ASPM: variants seen among roughly 807,000 people sequenced by gnomAD.
ASPM encodes abnormal spindle-like microcephaly-associated protein.
Under a neutral mutation model 366.4 loss-of-function variants are expected in ASPM, and 256 were observed. The observed-to-expected ratio is 0.70, with a 90% CI of 0.63 to 0.77. The LOEUF (loss-of-function observed/expected upper bound fraction) is 0.77, where lower values mean the gene tolerates loss of function less well. Ranked by LOEUF, ASPM falls within the 30% of genes least tolerant of loss-of-function variation. The pLI is 0.00. For synonymous variants in ASPM, 1,414 were observed against 1,342.9 expected, an observed-to-expected ratio of 1.05 and a Z score of -1.16; for missense variants, 4,146 against 4,090.4, an observed-to-expected ratio of 1.01 and a Z score of -0.37.
At position 197,146,574 on chromosome 1, in the gene ASPM, T is replaced by C; in HGVS notation, c.-137A>G. On this transcript the variant is annotated 5_prime_UTR_variant, in exon 1 of 28. Transcript: ENST00000367409. ...TCGTGGGAGTGAATTCGGCCCTTTT[T>C]CTTTTCCACTAACCTACTCCCTAGA... 1 of 866,106 alleles carries C rather than the reference T, an allele frequency of 1.2e-6. No homozygotes were observed. The allele number at this position is 866,106 out of a possible 1,614,324, so 53.7% of individuals were successfully genotyped here. A position where few individuals can be genotyped will look rare whatever the true frequency, so the allele number is the denominator to read the frequency against.
chr1:197,140,562 T>C (rs1334747762), intron 3 of ASPM, among the ~76,000 whole-genome samples: 1 of 152,222 alleles, frequency 6.6e-6, no homozygotes, highest in Non-Finnish European at 1.5e-5. Flanking sequence ...TTAAGCCACA[T>C]GGTCTAAGGT....
chr1:197,124,198 C>T lies in ASPM; in HGVS notation c.3302G>A (p.Arg1101Lys). The T allele has an allele frequency of 6.2e-7, 1 of 1,612,436 alleles. No homozygotes were observed. The highest frequency in any genetic ancestry group is 8.5e-7 in the Non-Finnish European group (1 of 1,178,912). ...ATATTGTTCAAAGGAACCACTATCC[C>T]TTTTGCCTTTTTTCTTATTAATAAG... The part of the protein sequence containing the change: ...DDLINKKKGK[R>K]DSGSFEQYSE... The change falls in exon 13 of 28, where the codon AGG (arginine) becomes AAG (lysine). Residue 1101 changes from arginine (R) to lysine (K), a missense_variant. Around this residue, in one of 3 missense-constraint regions of ASPM, gnomAD observed 3,624 missense variants for 3,591.7 expected, o/e 1.01. Transcript: ENST00000367409.
chr1:197,136,284 T>C (rs1285373375), intron 4 of ASPM, among the ~76,000 whole-genome samples: 1 of 152,158 alleles, frequency 6.6e-6, no homozygotes, highest in Non-Finnish European at 1.5e-5. Context: ...GCAGTAACTA[T>C]ATAAGTAAAT....
Position 197,104,734 on chromosome 1 carries a change from A to G in ASPM, c.4517T>C (p.Leu1506Ser). 1 of 1,608,474 alleles carries G rather than the reference A, an allele frequency of 6.2e-7. No individual in the cohort carries two copies. Among genetic ancestry groups the G allele is most frequent in the Non-Finnish European group, 8.5e-7 (1 of 1,177,870 alleles). Residue 1506 changes from leucine (L) to serine (S), a missense_variant, in exon 18 of 28, where the codon TTA (leucine) becomes TCA (serine). By Grantham distance (145) the Leu-to-Ser change is moderately radical (BLOSUM62 -2). Coordinates refer to ENST00000367409, the MANE Select transcript of ASPM (RefSeq NM_018136.5). The stretch of plus-strand genomic sequence containing the variant: ...TATGGACTCTTTTCTTCTTTTATAT[A>G]ACTTTTGGGCTTGAAAGCACCGAAA... ...KRFRCFQAQKLYKRRKESILT... is the reference protein window; with the variant it reads ...KRFRCFQAQKSYKRRKESILT...
At position 197,146,225 on chromosome 1, in the gene ASPM, G is replaced by C. The variant is rs189342878; in HGVS notation, c.213C>G (p.Asn71Lys). 1.7e-5 allele frequency: 28 copies of C among 1,614,138 alleles called. No individual in the cohort carries two copies. The highest frequency in any genetic ancestry group is 2.2e-5 in the Non-Finnish European group (26 of 1,180,020). Residue 71 changes from asparagine (N) to lysine (K), a missense_variant, in exon 1 of 28, where the codon AAC becomes AAG. Physicochemically the swap from Asn to Lys is moderately conservative, Grantham distance 94. This residue lies in a region of ASPM where 512 missense variants were observed against 471.7 expected (regional missense o/e 1.09). Transcript: ENST00000367409. ...AGATCTTCACTTCTGCCACCTCCTC[G>C]TTAGGGTTGTCTAGGGCCAGAGACA... is the stretch of plus-strand genomic sequence containing the variant. The part of the protein sequence containing the change: ...RTLSLALDNP[N>K]EEVAEVKISH...
At chr1:197,123,076 C>T (rs1311295883) in intron 13 of ASPM, among the ~76,000 whole-genome samples, 1 of 152,174 alleles carries the variant, frequency 6.6e-6, no homozygotes, top group Non-Finnish European at 1.5e-5. Context: ...ATAACACTAA[C>T]TCATGGCCAA....
rs957035712 is a variant in ASPM, at chr1:197,143,538, T to C, written c.714A>G (p.Pro238=). 3 of 1,613,636 alleles carry C rather than the reference T, an allele frequency of 1.9e-6. No homozygotes were observed. Among genetic ancestry groups the C allele is most frequent in the Non-Finnish European group, 2.5e-6 (3 of 1,179,900 alleles). ...AGGTAGTAGATCGACGTACAGAGAG[T>C]GGCAAGCAAGTTGCACCATGGCATT... ...FNECHGATCL[P]LSVRRSTTYS... is the part of the protein sequence containing the mutation. The change falls in exon 3 of 28, where the codon CCA becomes CCG. Residue 238 remains proline (P), a synonymous_variant. Coordinates refer to ENST00000367409, the MANE Select transcript of ASPM (RefSeq NM_018136.5).
Position 197,101,658 on chromosome 1 carries a change from C to T in ASPM, c.7593G>A (p.Trp2531Ter). ...CAGCCTGAATAACCACAGCAGAATG[C>T]CATTGTCTGATATAATTTTCTCTTT... is the stretch of plus-strand genomic sequence containing the variant. ...KLQRENYIRQWHSAVVIQAAY... is the reference protein window; with the variant it reads ...KLQRENYIRQ Residue 2531 changes from tryptophan (W) to a stop codon, truncating the protein, a stop_gained, in exon 18 of 28, where the codon TGG (tryptophan) becomes TGA (stop). Coordinates refer to ENST00000367409, the MANE Select transcript of ASPM (RefSeq NM_018136.5). LOFTEE classifies it high-confidence loss of function. 1 of 1,611,878 alleles carries T rather than the reference C, an allele frequency of 6.2e-7. No individual in the cohort carries two copies. Among genetic ancestry groups the T allele is most frequent in the Non-Finnish European group, 8.5e-7 (1 of 1,179,008 alleles).
chr1:197,090,605 A>G, intron 23 of ASPM, among the ~76,000 whole-genome samples: 1 of 152,146 alleles, frequency 6.6e-6, no homozygotes, highest in East Asian at 1.9e-4. Flanking sequence ...GCATTTATCG[A>G]CCAAAGATGT....
chr1:197,091,823 G>T, intron 22 of ASPM, 84 bp downstream of exon 22: 1 of 1,395,542 alleles, frequency 7.2e-7, no homozygotes, highest in South Asian at 1.2e-5. Flanking sequence ...TTAGCATAAA[G>T]CATTTGGAAA....
intron 18 of ASPM, among the ~76,000 whole-genome samples, chr1:197,098,752 T>C (rs1248140824): frequency 2.0e-5 from 3 of 151,748 alleles, no homozygotes; most frequent in African/African-American, 7.2e-5. Context: ...TCCCAGGCCC[T>C]CTTTGTTCAC....
chr1:197,139,710 AT>A, intron 4 of ASPM, 56 bp downstream of exon 4: 1 of 1,298,408 alleles, frequency 7.7e-7, no homozygotes, highest in Non-Finnish European at 1.1e-6. Context: ...GTGAAATGCA[AT>A]TAATGCTTCA....
intron 8 of ASPM, 28 bp from the exon 9 acceptor site, chr1:197,129,345 A>C: frequency 6.2e-7 from 1 of 1,607,410 alleles, no homozygotes; most frequent in Non-Finnish European, 8.5e-7. Flanking sequence ...AAAGCACAGC[A>C]AGTTAATCTA....
At position 197,102,247 on chromosome 1, in the gene ASPM, T is replaced by C. The variant is rs1238788720; in HGVS notation, c.7004A>G (p.His2335Arg). 1.2e-6 allele frequency: 2 copies of C among 1,612,882 alleles called. No individual in the cohort carries two copies. The change falls in exon 18 of 28, where the codon CAC (histidine) becomes CGC (arginine). Residue 2335 changes from histidine to arginine, a missense_variant. Coordinates refer to ENST00000367409, the MANE Select transcript of ASPM (RefSeq NM_018136.5). The part of the protein sequence containing the change: ...WMIRKRMREM[H>R]RAATFIQSTF... ...AGACTGGATGAAAGTAGCAGCCCTG[T>C]GCATCTCTCGCATCCTTTTCCTTAT...
intron 17 of ASPM, among the ~76,000 whole-genome samples, chr1:197,115,153 T>C (rs991226708): frequency 6.6e-6 from 1 of 152,156 alleles, no homozygotes; most frequent in Non-Finnish European, 1.5e-5. Flanking sequence ...GTTGAGATTA[T>C]AGGAATGAGC....
At chr1:197,109,204 A>AAG (rs1657507257) in intron 17 of ASPM, among the ~76,000 whole-genome samples, 1 of 49,838 alleles carries the variant, frequency 2.0e-5, no homozygotes, top group Admixed American at 3.0e-4. Flanking sequence ...ACAAAATAAT[A>AAG]ACATGTCAAC....
chr1:197,113,576 A>G (rs1358205087), intron 17 of ASPM, among the ~76,000 whole-genome samples: 1 of 152,158 alleles, frequency 6.6e-6, no homozygotes, highest in Non-Finnish European at 1.5e-5. Context: ...TAACATAGGC[A>G]TACATCTACA....
At position 197,146,230 on chromosome 1, in the gene ASPM, G is replaced by A; in HGVS notation, c.208C>T (p.Pro70Ser). The A allele has an allele frequency of 6.2e-7, 1 of 1,614,086 alleles. No homozygotes were observed. The highest frequency in any genetic ancestry group is 1.1e-5 in the South Asian group (1 of 91,084). Residue 70 changes from proline (P) to serine (S), a missense_variant, in exon 1 of 28, where the codon CCT becomes TCT. Transcript: ENST00000367409. ...TTCACTTCTGCCACCTCCTCGTTAG[G>A]GTTGTCTAGGGCCAGAGACAGCGTC... Reference protein sequence around the residue: ...SRTLSLALDNPNEEVAEVKIS... With the variant: ...SRTLSLALDNSNEEVAEVKIS...
Position 197,102,559 on chromosome 1 carries a change from AT to A in ASPM, c.6691del (p.Ile2231TyrfsTer9). On this transcript the variant is annotated frameshift_variant, in exon 18 of 28. Transcript: ENST00000367409. LOFTEE classifies it high-confidence loss of function. ...QRYWAMKERN[I>X]QFQRYNKLRH... ...CAGTTTGTTATACCTTTGAAATTGT[AT>A]GTTTCTTTCTTTCATTGCCCAGTAT... 6.2e-7 allele frequency: 1 copy of A among 1,612,060 alleles called. No individual in the cohort carries two copies. The highest frequency in any genetic ancestry group is 8.5e-7 in the Non-Finnish European group (1 of 1,178,970).
Sources: gnomAD v4.1 joint callset for allele counts (sites outside exome capture counted in the v4.1 genomes callset) on GRCh38, gnomAD v4.1.1 for gene constraint, gnomAD v4.1.1 regional missense constraint, MANE v1.5 for transcripts, NCBI Gene and HGNC (gene_info 2026-07-23, HGNC 2026-07-21) for gene names.